ZDHHC15: variants seen among roughly 807,000 people sequenced by gnomAD.
The protein encoded by ZDHHC15 is palmitoyltransferase ZDHHC15.
Under a neutral mutation model 31.7 loss-of-function variants are expected in ZDHHC15, and 19 were observed. The observed-to-expected ratio is 0.60, with a 90% CI of 0.42 to 0.88. The LOEUF is 0.88. ZDHHC15 is among the 40% of genes least tolerant of loss of function. ZDHHC15 has a pLI of 0.00. For missense variants in ZDHHC15, 209 were observed against 251.2 expected, an observed-to-expected ratio of 0.83 and a Z score of 1.14; for synonymous variants, 103 against 90.0, an observed-to-expected ratio of 1.14 and a Z score of -0.82.
intron 1 of ZDHHC15, among the ~76,000 whole-genome samples, chrX:75,516,489 G>A (rs1315856224): frequency 8.9e-6 from 1 of 112,478 alleles, no homozygotes; most frequent in Non-Finnish European, 1.9e-5. Context: ...ATGGGGAAAG[G>A]ATTCCCTATT....
chrX:75,449,802 TC>T (rs2084089930), intron 4 of ZDHHC15, among the ~76,000 whole-genome samples: 1 of 112,041 alleles, frequency 8.9e-6, no homozygotes, highest in Admixed American at 9.5e-5. Context: ...GGATGACATA[TC>T]AGAAGAACCA....
In ZDHHC15 at chrX:75,420,874, C is replaced by A. The variant is rs933777857; in HGVS notation, c.863+990G>T. On this transcript the variant is annotated intron_variant, in intron 9 of 11. Coordinates refer to ENST00000373367, the MANE Select transcript of ZDHHC15 (RefSeq NM_144969.3). ...ATGTAGATGATGGGTTGATATGCAG[C>A]AAACCATCATGGCACGTGCATACCT... 3.6e-5 allele frequency among the ~76,000 whole-genome samples: 4 copies of A among 110,008 alleles called. No homozygotes were observed. The South Asian group carries it at 1.6e-3, about 44-fold the overall frequency.
chrX:75,489,171 CACAG>C (rs1485399364), intron 2 of ZDHHC15, among the ~76,000 whole-genome samples: 1 of 112,031 alleles, frequency 8.9e-6, no homozygotes, highest in Non-Finnish European at 1.9e-5. Context: ...GGGGGCAGGG[CACAG>C]ACAAACAAAA....
At chrX:75,515,932 C>T (rs1319355540) in intron 1 of ZDHHC15, among the ~76,000 whole-genome samples, 1 of 110,982 alleles carries the variant, frequency 9.0e-6, no homozygotes, top group Non-Finnish European at 1.9e-5. Context: ...CATTCGTATA[C>T]ACCAATAACA....
chrX:75,513,888 A>C (rs78588045), intron 1 of ZDHHC15, among the ~76,000 whole-genome samples: 4 of 111,770 alleles, frequency 3.6e-5, no homozygotes, highest in African/African-American at 9.7e-5. Flanking sequence ...CAAAAAAAAA[A>C]CAATAAGACT....
At chrX:75,383,954 G>A (rs2083151850) in intron 10 of ZDHHC15, among the ~76,000 whole-genome samples, 1 of 108,795 alleles carries the variant, frequency 9.2e-6, no homozygotes, top group Non-Finnish European at 1.9e-5. Context: ...GTGTTAACCA[G>A]GATGGTCTTG....
Position 75,419,879 on chromosome X carries a change from T to C in ZDHHC15, c.863+1985A>G, listed in dbSNP as rs2083600909. Among the ~76,000 whole-genome samples the C allele has an allele frequency of 5.4e-5, 5 of 93,009 alleles. 1 individual carries two copies. Among genetic ancestry groups the C allele is most frequent in the Admixed American group, 5.3e-4 (4 of 7,559 alleles). 80.8% of individuals were successfully genotyped at this position (93,009 alleles called of 115,157 possible). On this transcript the variant is annotated intron_variant, in intron 9 of 11. Transcript: ENST00000373367. ...AAACCAAATACCGCATGTTCTCACT[T>C]ATAGGCGGGAATTGAACAATGAGAA...
At chrX:75,422,737 C>G (rs761024495) in intron 8 of ZDHHC15, among the ~76,000 whole-genome samples, 3 of 111,496 alleles carry the variant, frequency 2.7e-5, no homozygotes, top group Admixed American at 1.9e-4. Context: ...ATGTGCTAAT[C>G]TACCACCCTA....
At chrX:75,411,024 G>A (rs1302718702) in intron 10 of ZDHHC15, among the ~76,000 whole-genome samples, 1 of 111,817 alleles carries the variant, frequency 8.9e-6, no homozygotes, top group East Asian at 2.8e-4. Flanking sequence ...CTCATATGTA[G>A]GAGCTACAAA....
chrX:75,374,230 G>A (rs953133629), intron 11 of ZDHHC15, among the ~76,000 whole-genome samples: 1 of 109,157 alleles, frequency 9.2e-6, no homozygotes, highest in African/African-American at 3.3e-5. Flanking sequence ...GGGGCCTGTC[G>A]GGGGCTGGAG....
chrX:75,470,968 T>A (rs1469255841), intron 3 of ZDHHC15, among the ~76,000 whole-genome samples: 2 of 112,053 alleles, frequency 1.8e-5, no homozygotes, highest in Non-Finnish European at 3.8e-5. Flanking sequence ...GCGGTGGTGA[T>A]TCCCACTACA....
chrX:75,515,216 C>T (rs1299185304), intron 1 of ZDHHC15, among the ~76,000 whole-genome samples: 1 of 111,599 alleles, frequency 9.0e-6, no homozygotes, highest in Non-Finnish European at 1.9e-5. Flanking sequence ...TCCTCCCTAA[C>T]TCATTTTATG....
At chrX:75,425,811 T>C (rs1274100080) in intron 7 of ZDHHC15, among the ~76,000 whole-genome samples, 1 of 111,890 alleles carries the variant, frequency 8.9e-6, no homozygotes, top group Non-Finnish European at 1.9e-5. Flanking sequence ...CAAGTTCAGA[T>C]AGTACAGATT....
rs1404758850 is a variant in ZDHHC15, at chrX:75,480,438, T to C, written c.164-1453A>G. Among the ~76,000 whole-genome samples the C allele has an allele frequency of 3.6e-5, 4 of 111,432 alleles. No homozygotes were observed. In the East Asian group the frequency reaches 8.5e-4, roughly 24 times the overall value. ...ATGAAAGATTTGTAATATTTTAACA[T>C]TTTTAATTGTATCTCTTTTTAAAAG... On this transcript the variant is annotated intron_variant, in intron 2 of 11. Transcript: ENST00000373367.
intron 1 of ZDHHC15, among the ~76,000 whole-genome samples, chrX:75,506,433 C>A (rs1290403035): frequency 8.9e-6 from 1 of 111,777 alleles, no homozygotes; most frequent in African/African-American, 3.2e-5. Context: ...TTTTTCTTCA[C>A]ATATAGGTCT....
In ZDHHC15 at chrX:75,368,547, G is replaced by T. The variant is rs569892286; in HGVS notation, c.*4431C>A. On this transcript the variant is annotated 3_prime_UTR_variant, in exon 12 of 12. Transcript: ENST00000373367. ...TATATACAATCATTTTGAGCAGATTGGTGGGAAAAATAATTGTAGCAGATT... is the reference window on the plus strand; with the variant it reads ...TATATACAATCATTTTGAGCAGATTTGTGGGAAAAATAATTGTAGCAGATT... 3.6e-5 allele frequency: 4 copies of T among 111,484 alleles called. No individual in the cohort carries two copies. The highest frequency in any genetic ancestry group is 1.3e-4 in the African/African-American group (4 of 30,749). 9.2% of individuals were successfully genotyped at this position (111,484 alleles called of 1,213,427 possible).
Position 75,413,116 on chromosome X carries a change from C to A in ZDHHC15, c.967+3971G>T, listed in dbSNP as rs147350743. Reference sequence around the variant, plus strand: ...GATGATGTATTTGTTAAATTGCTTACTTGTAATCATTTTACTATGTATTTG... The same window carrying A: ...GATGATGTATTTGTTAAATTGCTTAATTGTAATCATTTTACTATGTATTTG... On this transcript the variant is annotated intron_variant, in intron 10 of 11. Transcript: ENST00000373367. 1.2e-4 allele frequency among the ~76,000 whole-genome samples: 14 copies of A among 112,222 alleles called. No individual in the cohort carries two copies. In the East Asian group the frequency reaches 3.1e-3, roughly 25 times the overall value.
At chrX:75,380,701 C>G (rs940583193) in intron 10 of ZDHHC15, among the ~76,000 whole-genome samples, 1 of 111,176 alleles carries the variant, frequency 9.0e-6, no homozygotes, top group Admixed American at 9.6e-5. Flanking sequence ...AAGACAAACA[C>G]AGAATTTAGG....
At position 75,431,524 on chromosome X, in the gene ZDHHC15, TAAA is replaced by T; in HGVS notation, c.380-7_380-5del. On this transcript the variant is annotated splice_region_variant and splice_polypyrimidine_tract_variant and intron_variant, in intron 4 of 11. Transcript: ENST00000373367. ...CACCGGTCACAGAATCGTACAGCTA[TAAA>T]AAAAAAAATAAGGTGGTTAGCACTT... The T allele has an allele frequency of 1.1e-6, 1 of 938,030 alleles. No individual in the cohort carries two copies. Among genetic ancestry groups the T allele is most frequent in the Admixed American group, 2.7e-5 (1 of 36,591 alleles). The allele number at this position is 938,030 out of a possible 1,213,427, so 77.3% of individuals were successfully genotyped here. A position where few individuals can be genotyped will look rare whatever the true frequency, so the allele number is the denominator to read the frequency against.
Sources: allele counts gnomAD v4.1 joint callset (sites outside exome capture counted in the v4.1 genomes callset), GRCh38; gene constraint gnomAD v4.1.1; transcripts MANE v1.5; gene names NCBI Gene and HGNC (gene_info 2026-07-23, HGNC 2026-07-21).